C2orf72: variants seen among roughly 807,000 people sequenced by gnomAD.
C2orf72 encodes the protein uncharacterized protein C2orf72.
Under a neutral mutation model 14.4 loss-of-function variants are expected in C2orf72, and 16 were observed. The observed-to-expected ratio is 1.11, with a 90% CI of 0.75 to 1.69. The LOEUF is 1.69. Ranked by LOEUF, C2orf72 falls within the 40% of genes most tolerant of loss-of-function variation. C2orf72 has a pLI of 0.00. For missense variants in C2orf72, 371 were observed against 358.3 expected (o/e 1.04, Z -0.29); for synonymous variants, 168 against 176.8 (o/e 0.95, Z 0.40).
At chr2:231,041,480 T>C in intron 2 of C2orf72, 71 bp downstream of exon 2, 2 of 1,228,288 alleles carry the variant, frequency 1.6e-6, no homozygotes, top group Non-Finnish European at 2.3e-6. Flanking sequence ...CACGTGAACT[T>C]GGGGACCTTA....
chr2:231,042,285 A>C (rs1388131998), intron 2 of C2orf72, among the ~76,000 whole-genome samples: 1 of 152,154 alleles, frequency 6.6e-6, no homozygotes, highest in African/African-American at 2.4e-5. Flanking sequence ...TATCCACGTG[A>C]GATGCTTTAA....
At chr2:231,039,574 C>G (rs978004205) in intron 1 of C2orf72, among the ~76,000 whole-genome samples, 10 of 152,194 alleles carry the variant, frequency 6.6e-5, no homozygotes, top group African/African-American at 2.4e-4. Flanking sequence ...CACCTGCCAG[C>G]CTGGCCTGCC....
At position 231,046,932 on chromosome 2, in the gene C2orf72, A is replaced by C. The variant is rs143965417; in HGVS notation, c.799A>C (p.Asn267His). The stretch of plus-strand genomic sequence containing the variant: ...GCTGCCACTAACAGCCATATTTCCC[A>C]ATGGAGACTGTGATGACCTTGGAAG... ...EELPLTAIFP[N>H]GDCDDLGRGS... The change falls in exon 3 of 3, where the codon AAT (asparagine) becomes CAT (histidine). Residue 267 changes from asparagine to histidine, a missense_variant. By Grantham distance (68) the Asn-to-His change is moderately conservative. Around this residue, in one of 3 missense-constraint regions of C2orf72, gnomAD observed 145 missense variants for 149.4 expected, o/e 0.97. Coordinates refer to ENST00000373640, the MANE Select transcript of C2orf72 (RefSeq NM_001144994.2). 5.8e-6 allele frequency: 9 copies of C among 1,551,464 alleles called. No homozygotes were observed. The highest frequency in any genetic ancestry group is 7.8e-6 in the Non-Finnish European group (9 of 1,146,974).
At chr2:231,043,240 C>G (rs1034160757) in intron 2 of C2orf72, among the ~76,000 whole-genome samples, 4 of 152,152 alleles carry the variant, frequency 2.6e-5, no homozygotes, top group African/African-American at 9.7e-5. Flanking sequence ...TAGTCACTAG[C>G]CATTGCATTT....
chr2:231,042,278 C>A (rs62193693), intron 2 of C2orf72, among the ~76,000 whole-genome samples: 33,632 of 152,102 alleles, frequency 0.22, 3,934 homozygotes, highest in African/African-American at 0.3. Flanking sequence ...CCCCCCTTAT[C>A]CACGTGAGAT....
chr2:231,046,813 T>C (rs1156898493), intron 2 of C2orf72, 69 bp from the exon 3 acceptor site: 1 of 1,462,334 alleles, frequency 6.8e-7, no homozygotes, highest in Non-Finnish European at 9.1e-7. Flanking sequence ...ACTTTCTCCT[T>C]TTCCTTCCTA....
chr2:231,045,294 G>T (rs73001232), intron 2 of C2orf72, among the ~76,000 whole-genome samples: 49,652 of 150,920 alleles, frequency 0.33, 8,710 homozygotes, highest in East Asian at 0.47. Flanking sequence ...TATATATAGA[G>T]AGAGAGAGAG....
In C2orf72 at chr2:231,048,201, T is replaced by G. The variant is rs1300368590; in HGVS notation, c.*1180T>G. ...GGAACTCACCATTACCTCCCTTGTC[T>G]TCTTTGCCTGCCTTGGAGAAATCCA... On this transcript the variant is annotated 3_prime_UTR_variant, in exon 3 of 3. Transcript: ENST00000373640. The G allele has an allele frequency of 1.3e-5, 2 of 152,240 alleles. No homozygotes were observed. Among genetic ancestry groups the G allele is most frequent in the African/African-American group, 4.8e-5 (2 of 41,456 alleles). 9.4% of individuals were successfully genotyped at this position (152,240 alleles called of 1,614,324 possible).
rs1434409182 is a variant in C2orf72 at position 231,046,931 on chromosome 2, C to A, written c.798C>A (p.Pro266=). The A allele has an allele frequency of 6.4e-7, 1 of 1,551,672 alleles. No individual in the cohort carries two copies. The change falls in exon 3 of 3, where the codon CCC becomes CCA. Residue 266 remains proline (P), a synonymous_variant. Transcript: ENST00000373640. Reference sequence around the variant, plus strand: ...AGCTGCCACTAACAGCCATATTTCCCAATGGAGACTGTGATGACCTTGGAA... The same window carrying A: ...AGCTGCCACTAACAGCCATATTTCCAAATGGAGACTGTGATGACCTTGGAA... ...EEELPLTAIF[P]NGDCDDLGRG... is the part of the protein sequence containing the mutation.
At chr2:231,045,428 CAT>C (rs897176730) in intron 2 of C2orf72, among the ~76,000 whole-genome samples, 15 of 150,886 alleles carry the variant, frequency 9.9e-5, no homozygotes, top group African/African-American at 2.2e-4. Flanking sequence ...TTGCCACAAA[CAT>C]GTGAGTAATG....
Position 231,047,161 on chromosome 2 carries a change from C to A in C2orf72, c.*140C>A. 9.6e-7 allele frequency: 1 copy of A among 1,038,324 alleles called. No individual in the cohort carries two copies. 64.3% of individuals were successfully genotyped at this position (1,038,324 alleles called of 1,614,324 possible). On this transcript the variant is annotated 3_prime_UTR_variant, in exon 3 of 3. Transcript: ENST00000373640. ...GCCACACTCACAGTTACCAGCTAGA[C>A]AGTGGGGCTTACTAAGACAAGCAGG...
rs1202234199 is a variant in C2orf72 at position 231,048,198 on chromosome 2, GTCT to G, written c.*1182_*1184del. ...GAGGGAACTCACCATTACCTCCCTT[GTCT>G]TCTTTGCCTGCCTTGGAGAAATCCA... is the stretch of plus-strand genomic sequence containing the variant. On this transcript the variant is annotated 3_prime_UTR_variant, in exon 3 of 3. Coordinates refer to ENST00000373640, the MANE Select transcript of C2orf72 (RefSeq NM_001144994.2). The G allele has an allele frequency of 6.6e-6, 1 of 152,236 alleles. No homozygotes were observed. The highest frequency in any genetic ancestry group is 1.5e-5 in the Non-Finnish European group (1 of 68,052). 9.4% of individuals were successfully genotyped at this position (152,236 alleles called of 1,614,324 possible). A position where few individuals can be genotyped will look rare whatever the true frequency, so the allele number is the denominator to read the frequency against.
chr2:231,045,827 T>C (rs374934825), intron 2 of C2orf72, among the ~76,000 whole-genome samples: 12 of 152,294 alleles, frequency 7.9e-5, no homozygotes, highest in African/African-American at 2.9e-4. Context: ...CAGCTGTGTT[T>C]CAGTCTTATG....
At chr2:231,046,284 T>C (rs1323402624) in intron 2 of C2orf72, among the ~76,000 whole-genome samples, 1 of 147,934 alleles carries the variant, frequency 6.8e-6, no homozygotes, top group African/African-American at 2.5e-5. Context: ...CAATTTTACT[T>C]CTATGCAGTG....
rs377239416 is a variant in C2orf72, at chr2:231,047,037, G to C, written c.*16G>C. On this transcript the variant is annotated 3_prime_UTR_variant, in exon 3 of 3. Transcript: ENST00000373640. ...CTCAAGATGAAGGCTGGACCCTTGC[G>C]CTGTCCCTGGCTCTAACCTACAGAC... is the stretch of plus-strand genomic sequence containing the variant. The C allele has an allele frequency of 3.9e-6, 6 of 1,551,518 alleles. No homozygotes were observed. The highest frequency in any genetic ancestry group is 1.7e-4 in the Middle Eastern group (1 of 5,992).
chr2:231,047,301 T>C lies in C2orf72; in HGVS notation c.*280T>C, dbSNP rs1000723470. The C allele has an allele frequency of 1.2e-5, 6 of 496,024 alleles. No homozygotes were observed. Among genetic ancestry groups the C allele is most frequent in the Admixed American group, 7.8e-5 (3 of 38,496 alleles). 30.7% of individuals were successfully genotyped at this position (496,024 alleles called of 1,614,324 possible). ...GGTTTCTCTGAGCCACTGAGACAGA[T>C]GGCTGTCCGCTTTGAGGCTCTGCAG... On this transcript the variant is annotated 3_prime_UTR_variant, in exon 3 of 3. Transcript: ENST00000373640.
chr2:231,038,043 C>T lies in C2orf72; in HGVS notation c.478C>T (p.Leu160=). 1 of 1,100,144 alleles carries T rather than the reference C, an allele frequency of 9.1e-7. No homozygotes were observed. The highest frequency in any genetic ancestry group is 4.3e-5 in the South Asian group (1 of 23,188). 68.1% of individuals were successfully genotyped at this position (1,100,144 alleles called of 1,614,324 possible). A position where few individuals can be genotyped will look rare whatever the true frequency, so the allele number is the denominator to read the frequency against. The change falls in exon 1 of 3, where the codon CTG becomes TTG. Residue 160 remains leucine, a synonymous_variant. Transcript: ENST00000373640. Reference sequence around the variant, plus strand: ...GCCAGAGGACGCGGTGGCGCCGGGGCTGCGGCTGCTGGAGGCGCTGTTGCG... The same window carrying T: ...GCCAGAGGACGCGGTGGCGCCGGGGTTGCGGCTGCTGGAGGCGCTGTTGCG... ...AGPEDAVAPG[L]RLLEALLRAV... is the part of the protein sequence containing the mutation.
At position 231,037,806 on chromosome 2, in the gene C2orf72, G is replaced by A. The variant is rs1459398112; in HGVS notation, c.241G>A (p.Gly81Arg). Reference protein sequence around the residue: ...AEGAGPGAARGAQRAARAAGA... With the variant: ...AEGAGPGAARRAQRAARAAGA... ...GGGCGCGGGGCCCGGGGCGGCGCGCGGGGCGCAGAGGGCGGCGAGGGCGGC... is the reference window on the plus strand; with the variant it reads ...GGGCGCGGGGCCCGGGGCGGCGCGCAGGGCGCAGAGGGCGGCGAGGGCGGC... The change falls in exon 1 of 3, where the codon GGG becomes AGG. Residue 81 changes from glycine (G) to arginine (R), a missense_variant. Transcript: ENST00000373640. 1 of 980,086 alleles carries A rather than the reference G, an allele frequency of 1.0e-6. No individual in the cohort carries two copies. The highest frequency in any genetic ancestry group is 1.2e-6 in the Non-Finnish European group (1 of 827,784). 60.7% of individuals were successfully genotyped at this position (980,086 alleles called of 1,614,324 possible). A position where few individuals can be genotyped will look rare whatever the true frequency, so the allele number is the denominator to read the frequency against.
chr2:231,040,638 A>G (rs1559209004), intron 1 of C2orf72, among the ~76,000 whole-genome samples: 1 of 152,098 alleles, frequency 6.6e-6, no homozygotes, highest in Non-Finnish European at 1.5e-5. Flanking sequence ...AAGTTTTCCA[A>G]TTTCTTTCCT....
Sources: gnomAD v4.1 joint callset for allele counts (sites outside exome capture counted in the v4.1 genomes callset) on GRCh38, gnomAD v4.1.1 for gene constraint, gnomAD v4.1.1 regional missense constraint, MANE v1.5 for transcripts, NCBI Gene and HGNC (gene_info 2026-07-23, HGNC 2026-07-21) for gene names.